PIEZO2: variants seen among roughly 807,000 people sequenced by gnomAD.
PIEZO2 encodes piezo-type mechanosensitive ion channel component 2.
In PIEZO2, 172 loss-of-function variants were observed where a neutral mutation model predicts 337.3. The ratio of observed to expected loss-of-function variants is 0.51; its 90% CI spans 0.45 to 0.58. The LOEUF (loss-of-function observed/expected upper bound fraction) is 0.58, where lower values mean the gene tolerates loss of function less well. Ranked by LOEUF, PIEZO2 falls within the 20% of genes least tolerant of loss-of-function variation. The pLI is 0.00. For synonymous variants in PIEZO2, 1,251 were observed against 1,228.5 expected (o/e 1.02, Z -0.38); for missense variants, 3,028 against 3,391.3 (o/e 0.89, Z 2.66).
intron 1 of PIEZO2, among the ~76,000 whole-genome samples, chr18:11,100,454 A>G (rs978328463): frequency 1.3e-5 from 2 of 152,192 alleles, no homozygotes; most frequent in African/African-American, 2.4e-5. Context: ...AACTTAGCCA[A>G]CTCCACAGTA....
chr18:11,143,637 ACACT>A lies in PIEZO2; in HGVS notation c.64+4884_64+4887del, dbSNP rs1418228490. Among the ~76,000 whole-genome samples, 75 of 93,382 alleles carry A rather than the reference ACACT, an allele frequency of 8.0e-4. No homozygotes were observed. Among genetic ancestry groups the A allele is most frequent in the African/African-American group, 7.0e-4 (12 of 17,024 alleles). The allele number at this position is 93,382 out of a possible 152,430, so 61.3% of individuals were successfully genotyped here. A position where few individuals can be genotyped will look rare whatever the true frequency, so the allele number is the denominator to read the frequency against. ...CACACACACACACACACACACACAC[ACACT>A]CTCTCTCTCTCTCTCTCTCTCTCTC... is the stretch of plus-strand genomic sequence containing the variant. On this transcript the variant is annotated intron_variant, in intron 1 of 55. Transcript: ENST00000674853. The surrounding 1 kb of genome is among the most constrained non-coding windows in gnomAD (Gnocchi z 4.9).
chr18:10,978,348 A>G (rs1369764147), intron 3 of PIEZO2, among the ~76,000 whole-genome samples: 1 of 151,984 alleles, frequency 6.6e-6, no homozygotes, highest in Non-Finnish European at 1.5e-5. Context: ...AAAAAAAACA[A>G]AAACAAAAAC....
At position 10,682,782 on chromosome 18, in the gene PIEZO2, C is replaced by T. The variant is rs369212221; in HGVS notation, c.7498-490G>A. On this transcript the variant is annotated intron_variant, in intron 49 of 55. Transcript: ENST00000674853. The surrounding 1 kb of genome is among the most constrained non-coding windows in gnomAD (Gnocchi z 5.6). The stretch of plus-strand genomic sequence containing the variant: ...AATTCATGACACGTGTTGTTAAAGA[C>T]AATGTTGTTCGACACCTAAGGTAAG... Among the ~76,000 whole-genome samples, 5 of 64,466 alleles carry T rather than the reference C, an allele frequency of 7.8e-5. No homozygotes were observed. Among genetic ancestry groups the T allele is most frequent in the African/African-American group, 1.2e-4 (3 of 25,458 alleles). The allele number at this position is 64,466 out of a possible 152,430, so 42.3% of individuals were successfully genotyped here.
At position 10,854,311 on chromosome 18, in the gene PIEZO2, T is replaced by G. The variant is rs979613630; in HGVS notation, c.917+1042A>C. ...GTTGACTTCAATCAATTCCTCAAGA[T>G]ATTGATCACACCTTTGGAAAGATGT... On this transcript the variant is annotated intron_variant, in intron 7 of 55. Transcript: ENST00000674853. The surrounding 1 kb of genome is among the most constrained non-coding windows in gnomAD (Gnocchi z 4.6). Among the ~76,000 whole-genome samples, 4 of 152,196 alleles carry G rather than the reference T, an allele frequency of 2.6e-5. No individual in the cohort carries two copies. The highest frequency in any genetic ancestry group is 9.6e-5 in the African/African-American group (4 of 41,458).
chr18:11,132,572 C>T lies in PIEZO2; in HGVS notation c.64+15953G>A, dbSNP rs2040371799. ...GAAGGTAGAAGTAGAAGTGGCACCA[C>T]TCACAATCATCCCTAGTGATCCACT... On this transcript the variant is annotated intron_variant, in intron 1 of 55. Coordinates refer to ENST00000674853, the MANE Select transcript of PIEZO2 (RefSeq NM_001378183.1). The surrounding 1 kb of genome is among the most constrained non-coding windows in gnomAD (Gnocchi z 4.7). Among the ~76,000 whole-genome samples, 1 of 152,170 alleles carries T rather than the reference C, an allele frequency of 6.6e-6. No homozygotes were observed. The highest frequency in any genetic ancestry group is 6.5e-5 in the Admixed American group (1 of 15,284).
intron 4 of PIEZO2, among the ~76,000 whole-genome samples, chr18:10,893,999 T>G (rs2042826574): frequency 6.6e-6 from 1 of 152,064 alleles, no homozygotes. Context: ...CAGATGATGG[T>G]CAGGTGGTTG....
intron 1 of PIEZO2, among the ~76,000 whole-genome samples, chr18:11,133,614 A>C (rs1292364720): frequency 6.6e-6 from 1 of 152,040 alleles, no homozygotes; most frequent in Non-Finnish European, 1.5e-5. Context: ...AAAAGGAGAG[A>C]TGGGCCTAAC....
At chr18:10,913,586 G>A (rs2030671008) in intron 3 of PIEZO2, among the ~76,000 whole-genome samples, 1 of 151,878 alleles carries the variant, frequency 6.6e-6, no homozygotes. Flanking sequence ...TATTATTCAG[G>A]TAAATTTTTT....
chr18:11,125,588 C>T lies in PIEZO2; in HGVS notation c.64+22937G>A, dbSNP rs1184178370. Among the ~76,000 whole-genome samples the T allele has an allele frequency of 6.6e-6, 1 of 152,104 alleles. No homozygotes were observed. Reference sequence around the variant, plus strand: ...ACACTCCATTCCAAATAAAGATTACCCTGCAGAGAAGAGCATCCTGGTTTT... The same window carrying T: ...ACACTCCATTCCAAATAAAGATTACTCTGCAGAGAAGAGCATCCTGGTTTT... On this transcript the variant is annotated intron_variant, in intron 1 of 55. Transcript: ENST00000674853. This position sits in a 1 kb window ranked among gnomAD's most constrained non-coding sequence, Gnocchi z 4.4.
chr18:11,109,715 C>T lies in PIEZO2; in HGVS notation c.64+38810G>A, dbSNP rs1315896873. On this transcript the variant is annotated intron_variant, in intron 1 of 55. Coordinates refer to ENST00000674853, the MANE Select transcript of PIEZO2 (RefSeq NM_001378183.1). This position sits in a 1 kb window ranked among gnomAD's most constrained non-coding sequence, Gnocchi z 5.1. Reference sequence around the variant, plus strand: ...CCTGGAAGACAGAGTGAGACTCCATCTCAAAAAAAAAAGGTACTAGAAACA... The same window carrying T: ...CCTGGAAGACAGAGTGAGACTCCATTTCAAAAAAAAAAGGTACTAGAAACA... 6.7e-6 allele frequency among the ~76,000 whole-genome samples: 1 copy of T among 150,138 alleles called. No individual in the cohort carries two copies. The highest frequency in any genetic ancestry group is 1.5e-5 in the Non-Finnish European group (1 of 67,490).
At position 11,096,084 on chromosome 18, in the gene PIEZO2, C is replaced by A. The variant is rs1394680917; in HGVS notation, c.65-29862G>T. On this transcript the variant is annotated intron_variant, in intron 1 of 55. Coordinates refer to ENST00000674853, the MANE Select transcript of PIEZO2 (RefSeq NM_001378183.1). This position sits in a 1 kb window ranked among gnomAD's most constrained non-coding sequence, Gnocchi z 4.6. Reference sequence around the variant, plus strand: ...CTGCATGGAAAGGGCTTGGAACCAGCGGAGCTGTCCAAGTGAGGCTTCCAT... The same window carrying A: ...CTGCATGGAAAGGGCTTGGAACCAGAGGAGCTGTCCAAGTGAGGCTTCCAT... Among the ~76,000 whole-genome samples, 1 of 152,226 alleles carries A rather than the reference C, an allele frequency of 6.6e-6. No individual in the cohort carries two copies. Among genetic ancestry groups the A allele is most frequent in the Admixed American group, 6.5e-5 (1 of 15,286 alleles).
In PIEZO2 at chr18:10,801,386, T is replaced by C; in HGVS notation, c.1239+4A>G. The C allele has an allele frequency of 1.3e-6, 2 of 1,487,386 alleles. No homozygotes were observed. Among genetic ancestry groups the C allele is most frequent in the Non-Finnish European group, 1.8e-6 (2 of 1,101,242 alleles). 92.1% of individuals were successfully genotyped at this position (1,487,386 alleles called of 1,614,324 possible). A position where few individuals can be genotyped will look rare whatever the true frequency, so the allele number is the denominator to read the frequency against. The stretch of plus-strand genomic sequence containing the variant: ...ATAAATGATAATTCTAAGGGTATAC[T>C]AACATCAGATGGTTTGTAGTCATCC... On this transcript the variant is annotated splice_donor_region_variant and intron_variant, in intron 10 of 55. Transcript: ENST00000674853.
rs898702475 is a variant in PIEZO2 at position 10,856,121 on chromosome 18, A to G, written c.704-555T>C. ...TGCCAAGTAGCGCAGGTTGGTCTTG[A>G]ACTCCTGGGCTAAGTGATCTTCCCT... On this transcript the variant is annotated intron_variant, in intron 6 of 55. Coordinates refer to ENST00000674853, the MANE Select transcript of PIEZO2 (RefSeq NM_001378183.1). This position sits in a 1 kb window ranked among gnomAD's most constrained non-coding sequence, Gnocchi z 4.7. Among the ~76,000 whole-genome samples the G allele has an allele frequency of 6.6e-6, 1 of 151,800 alleles. No homozygotes were observed. The highest frequency in any genetic ancestry group is 2.4e-5 in the African/African-American group (1 of 41,298).
chr18:10,801,824 C>A (rs534368136), intron 9 of PIEZO2, among the ~76,000 whole-genome samples: 1 of 152,130 alleles, frequency 6.6e-6, no homozygotes, highest in African/African-American at 2.4e-5. Context: ...CGGTAGCTCA[C>A]GCCTGTAATC....
rs147614520 is a variant in PIEZO2, at chr18:10,724,935, G to A, written c.5029+6472C>T. On this transcript the variant is annotated intron_variant, in intron 36 of 55. Transcript: ENST00000674853. This position sits in a 1 kb window ranked among gnomAD's most constrained non-coding sequence, Gnocchi z 5.8. The stretch of plus-strand genomic sequence containing the variant: ...GACAGCCTCCACCTGGACGGCGATG[G>A]AACCCAGGTGGGCGCACCCTGCGGC... 4.0e-4 allele frequency: 639 copies of A among 1,602,102 alleles called. 1 individual carries two copies. The African/African-American group carries it at 5.9e-3, about 15-fold the overall frequency.
intron 2 of PIEZO2, among the ~76,000 whole-genome samples, chr18:11,020,907 A>G (rs1226088412): frequency 2.0e-5 from 3 of 152,146 alleles, no homozygotes; most frequent in Admixed American, 1.3e-4. Flanking sequence ...AAACTGAAAA[A>G]CTCAAGAAGT....
At chr18:11,044,906 T>C (rs1034615294) in intron 2 of PIEZO2, among the ~76,000 whole-genome samples, 10 of 152,144 alleles carry the variant, frequency 6.6e-5, no homozygotes, top group Non-Finnish European at 5.9e-5. Context: ...CCCAGCACTT[T>C]GGGAGGCCAA....
At chr18:11,026,273 T>C (rs933211083) in intron 2 of PIEZO2, among the ~76,000 whole-genome samples, 1 of 152,220 alleles carries the variant, frequency 6.6e-6, no homozygotes, top group Non-Finnish European at 1.5e-5. Context: ...ATTGAAATTG[T>C]AGTCGCATAG....
At chr18:11,053,819 C>T (rs1413532208) in intron 2 of PIEZO2, among the ~76,000 whole-genome samples, 2 of 151,962 alleles carry the variant, frequency 1.3e-5, no homozygotes, top group African/African-American at 4.8e-5. Context: ...AGTTCGAGAC[C>T]AGCCTGGACA....
Sources: gnomAD v4.1 joint callset for allele counts (sites outside exome capture counted in the v4.1 genomes callset) on GRCh38, gnomAD v4.1.1 for gene constraint, Gnocchi (gnomAD v3.1) non-coding constraint, MANE v1.5 for transcripts, NCBI Gene and HGNC (gene_info 2026-07-23, HGNC 2026-07-21) for gene names.